Variants in TPPP2 observed in about 807,000 individuals in gnomAD.
The protein encoded by TPPP2 is tubulin polymerization promoting protein family member 2.
Under a neutral mutation model 13.0 loss-of-function variants are expected in TPPP2, and 8 were observed. The ratio of observed to expected loss-of-function variants is 0.62; its 90% CI spans 0.36 to 1.11. The LOEUF (loss-of-function observed/expected upper bound fraction) is 1.11. Among genes scored for constraint, TPPP2 ranks in the 50% most tolerant of loss-of-function variants. TPPP2 has a pLI of 0.02. For missense variants in TPPP2, 213 were observed against 216.9 expected, an observed-to-expected ratio of 0.98 and a Z score of 0.11; for synonymous variants, 81 against 81.8, an observed-to-expected ratio of 0.99 and a Z score of 0.05.
At chr14:21,025,593 C>A, upstream of TPPP2, 1 of 985,428 alleles carries the variant, frequency 1.0e-6, no homozygotes, top group Non-Finnish European at 1.2e-6. The surrounding 1 kb of genome is among the most constrained non-coding windows in gnomAD (Gnocchi z 5.1). Flanking sequence ...CTGGCAGGGG[C>A]AGGTGTGCTG....
chr14:21,024,926 C>A (rs1358513703), intron 1 of TPPP2: 1 of 985,632 alleles, frequency 1.0e-6, no homozygotes, highest in Middle Eastern at 5.2e-4. Flanking sequence ...CTGGCCCTTT[C>A]CCCCGAGCCT....
downstream of TPPP2, chr14:21,035,801 G>C: frequency 4.4e-6 from 2 of 456,216 alleles, no homozygotes; most frequent in Non-Finnish European, 8.8e-6. Flanking sequence ...CAGTTTCCCT[G>C]GTTACCTATG....
downstream of TPPP2, chr14:21,036,345 C>T: frequency 9.1e-6 from 4 of 438,362 alleles, no homozygotes; most frequent in South Asian, 6.5e-5. Context: ...TAGGGGTGCC[C>T]AGTCTTTTGG....
Position 21,030,754 on chromosome 14 carries a change from A to G in TPPP2, c.173A>G (p.Lys58Arg), listed in dbSNP as rs776229328. Reference protein sequence around the residue: ...TDVDIVFSKVKAKNARTITFQ... With the variant: ...TDVDIVFSKVRAKNARTITFQ... ...GTGGACATCGTGTTCAGCAAAGTCA[A>G]GTGAGGAGCCAAAAATATGGAGGTG... Residue 58 changes from lysine to arginine, a missense_variant and splice_region_variant, in exon 2 of 4, where the codon AAG becomes AGG. Lys to Arg is a conservative substitution (Grantham distance 26, BLOSUM62 2). Coordinates refer to ENST00000321760, the MANE Select transcript of TPPP2 (RefSeq NM_173846.5). 2.5e-6 allele frequency: 4 copies of G among 1,613,454 alleles called. No homozygotes were observed. Among genetic ancestry groups the G allele is most frequent in the South Asian group, 1.1e-5 (1 of 90,992 alleles).
chr14:21,033,903 A>C (rs1485616079), downstream of TPPP2: 2 of 1,614,044 alleles, frequency 1.2e-6, no homozygotes, highest in South Asian at 1.1e-5. Flanking sequence ...CTGGTTGGTT[A>C]GGGTGCTATT....
At chr14:21,024,911 C>T (rs1227983236) in intron 1 of TPPP2, 1 of 985,462 alleles carries the variant, frequency 1.0e-6, no homozygotes. Context: ...AGCGCCCGCT[C>T]CGTGCTGGCC....
downstream of TPPP2, chr14:21,034,131 T>C (rs1463029199): frequency 6.2e-7 from 1 of 1,614,160 alleles, no homozygotes; most frequent in South Asian, 1.1e-5. Context: ...CATCAGACCA[T>C]TACAATAGCC....
chr14:21,030,464 C>G (rs1883997662), intron 1 of TPPP2, 49 bp from the exon 2 acceptor site: 1 of 1,068,132 alleles, frequency 9.4e-7, no homozygotes, highest in South Asian at 1.6e-5. Context: ...GGGAGCTGTT[C>G]CTGTTGCTGA....
At position 21,031,914 on chromosome 14, in the gene TPPP2, T is replaced by C. The variant is rs1178313668; in HGVS notation, c.350T>C (p.Val117Ala). ...GATKATTVGA[V>A]DRLTDTSKYT... Reference sequence around the variant, plus strand: ...CAGAAAGCAACAACAGTGGGTGCAGTGGACCGTTTGACAGACACCAGCAAG... The same window carrying C: ...CAGAAAGCAACAACAGTGGGTGCAGCGGACCGTTTGACAGACACCAGCAAG... The change falls in exon 4 of 4, where the codon GTG becomes GCG. Residue 117 changes from valine (V) to alanine (A), a missense_variant. Val to Ala is a moderately conservative substitution (Grantham distance 64). Coordinates refer to ENST00000321760, the MANE Select transcript of TPPP2 (RefSeq NM_173846.5). The C allele has an allele frequency of 4.3e-6, 7 of 1,613,912 alleles. No individual in the cohort carries two copies. Among genetic ancestry groups the C allele is most frequent in the African/African-American group, 1.3e-5 (1 of 74,878 alleles).
chr14:21,026,655 C>T (rs924598773), upstream of TPPP2, among the ~76,000 whole-genome samples: 3 of 152,070 alleles, frequency 2.0e-5, no homozygotes, highest in African/African-American at 7.3e-5. Flanking sequence ...CGGGCTAAAA[C>T]CCAGCCTTCA....
chr14:21,030,629 A>C lies in TPPP2; in HGVS notation c.48A>C (p.Gly16=), dbSNP rs759554328. 3 of 1,613,878 alleles carry C rather than the reference A, an allele frequency of 1.9e-6. No individual in the cohort carries two copies. The highest frequency in any genetic ancestry group is 2.7e-5 in the African/African-American group (2 of 74,900). Reference sequence around the variant, plus strand: ...CATTCCATCGGTTTGCTGCGTTTGGAGAATCATCAAGCAGTGGCACTGAAA... The same window carrying C: ...CATTCCATCGGTTTGCTGCGTTTGGCGAATCATCAAGCAGTGGCACTGAAA... The part of the protein sequence containing the change: ...EKTFHRFAAF[G]ESSSSGTEMN... The change falls in exon 2 of 4, where the codon GGA becomes GGC. Residue 16 remains glycine, a synonymous_variant. Coordinates refer to ENST00000321760, the MANE Select transcript of TPPP2 (RefSeq NM_173846.5).
At chr14:21,024,807 G>C (rs1471967643) in intron 1 of TPPP2, 2 of 985,478 alleles carry the variant, frequency 2.0e-6, no homozygotes, top group Non-Finnish European at 2.4e-6. Context: ...TTGCGTGGCC[G>C]GTGCCAAGCG....
In TPPP2 at chr14:21,032,304, C is replaced by A. The variant is rs1029244624; in HGVS notation, c.*227C>A. ...CTTATGCCTACCAGCCATCAGTTAGCATTCCTCCTCAACAGCTGCTTCCAA... is the reference window on the plus strand; with the variant it reads ...CTTATGCCTACCAGCCATCAGTTAGAATTCCTCCTCAACAGCTGCTTCCAA... On this transcript the variant is annotated 3_prime_UTR_variant, in exon 4 of 4. Transcript: ENST00000321760. 10 of 631,706 alleles carry A rather than the reference C, an allele frequency of 1.6e-5. No homozygotes were observed. In the African/African-American group the frequency reaches 1.8e-4, roughly 11 times the overall value. 39.1% of individuals were successfully genotyped at this position (631,706 alleles called of 1,614,324 possible).
In TPPP2 at chr14:21,031,888, G is replaced by C. The variant is rs1370394182; in HGVS notation, c.328-4G>C. On this transcript the variant is annotated splice_region_variant and splice_polypyrimidine_tract_variant and intron_variant, in intron 3 of 3. Transcript: ENST00000321760. ...GAGAGCTCAAATCCATCCCTGGCTT[G>C]CAGAAAGCAACAACAGTGGGTGCAG... 1 of 1,611,914 alleles carries C rather than the reference G, an allele frequency of 6.2e-7. No individual in the cohort carries two copies. Among genetic ancestry groups the C allele is most frequent in the South Asian group, 1.1e-5 (1 of 90,978 alleles).
chr14:21,025,550 G>A (rs1179264772), upstream of TPPP2: 6 of 985,312 alleles, frequency 6.1e-6, no homozygotes, highest in Admixed American at 3.1e-4. This position sits in a 1 kb window ranked among gnomAD's most constrained non-coding sequence, Gnocchi z 5.1. Context: ...GAGGTGGGCG[G>A]GACCGCCGCT....
chr14:21,031,122 A>G lies in TPPP2; in HGVS notation c.284A>G (p.Tyr95Cys), dbSNP rs759508680. The change falls in exon 3 of 4, where the codon TAT becomes TGT. Residue 95 changes from tyrosine to cysteine, a missense_variant. Physicochemically the swap from Tyr to Cys is radical, Grantham distance 194 (BLOSUM62 -2). Coordinates refer to ENST00000321760, the MANE Select transcript of TPPP2 (RefSeq NM_173846.5). ...CCAGATGAAGTCCTGGAGAACATTTATGGACTCATGGAGGGCAAAGACCCA... is the reference window on the plus strand; with the variant it reads ...CCAGATGAAGTCCTGGAGAACATTTGTGGACTCATGGAGGGCAAAGACCCA... ...KSPDEVLENI[Y>C]GLMEGKDPAT... 6.2e-7 allele frequency: 1 copy of G among 1,614,118 alleles called. No homozygotes were observed. The highest frequency in any genetic ancestry group is 1.1e-5 in the South Asian group (1 of 91,084).
chr14:21,032,000 C>G lies in TPPP2; in HGVS notation c.436C>G (p.Arg146Gly), dbSNP rs145774307. ...ESGKGKGIAGREEMTDNTGYV... is the reference protein window; with the variant it reads ...ESGKGKGIAGGEEMTDNTGYV... ...TGGCAAGGGCAAGGGCATTGCGGGA[C>G]GGGAAGAGATGACTGACAACACAGG... Residue 146 changes from arginine to glycine, a missense_variant, in exon 4 of 4, where the codon CGG becomes GGG. Physicochemically the swap from Arg to Gly is moderately radical, Grantham distance 125. Coordinates refer to ENST00000321760, the MANE Select transcript of TPPP2 (RefSeq NM_173846.5). 4 of 1,613,980 alleles carry G rather than the reference C, an allele frequency of 2.5e-6. No individual in the cohort carries two copies. The Admixed American group carries it at 6.7e-5, about 27-fold the overall frequency.
At chr14:21,030,803 A>G in intron 2 of TPPP2, 49 bp downstream of exon 2, 2 of 1,599,396 alleles carry the variant, frequency 1.3e-6, no homozygotes, top group Non-Finnish European at 1.7e-6. Flanking sequence ...CCTGCGAGGT[A>G]GTTGGCCACG....
upstream of TPPP2, chr14:21,029,114 C>G (rs542352758): frequency 6.6e-6 from 1 of 152,340 alleles, no homozygotes; most frequent in South Asian, 2.1e-4. Context: ...CTGTTATACT[C>G]CAAGGCTTGC....
Sources: allele counts gnomAD v4.1 joint callset (sites outside exome capture counted in the v4.1 genomes callset), GRCh38; gene constraint gnomAD v4.1.1; non-coding constraint Gnocchi (gnomAD v3.1); transcripts MANE v1.5; gene names NCBI Gene and HGNC (gene_info 2026-07-23, HGNC 2026-07-21).